The following ABCD2 variants were observed in gnomAD, a reference collection of about 807,000 sequenced individuals.
ABCD2 encodes ATP-binding cassette sub-family D member 2.
ABCD2 carries 36 observed loss-of-function variants against 70.9 expected under a neutral mutation model. The ratio of observed to expected loss-of-function variants is 0.51; its 90% confidence interval spans 0.39 to 0.67. ABCD2 has a LOEUF of 0.67. ABCD2 is among the 30% of genes least tolerant of loss of function. The pLI is 0.00. For missense variants in ABCD2, 729 were observed against 890.2 expected (o/e 0.82, Z 2.30); for synonymous variants, 304 against 306.9 (o/e 0.99, Z 0.10).
chr12:39,555,979 T>C (rs530663080), intron 9 of ABCD2, among the ~76,000 whole-genome samples: 4 of 152,298 alleles, frequency 2.6e-5, no homozygotes, highest in African/African-American at 9.6e-5. Context: ...CTCTTGGTGT[T>C]GCAATAGCTG....
chr12:39,532,585 C>G, the ABCD2 span, among the ~76,000 whole-genome samples: 60 of 152,250 alleles, frequency 3.9e-4, no homozygotes, highest in African/African-American at 1.4e-3. Flanking sequence ...TCTTGAGAAG[C>G]TATTCTGCAG....
chr12:39,617,081 T>A lies in ABCD2; in HGVS notation c.1027A>T (p.Ile343Leu). Residue 343 changes from isoleucine (I) to leucine (L), a missense_variant, in exon 2 of 10, where the codon ATA (isoleucine) becomes TTA (leucine). By Grantham distance (5) the Ile-to-Leu change is conservative (BLOSUM62 2). Coordinates refer to ENST00000308666, the MANE Select transcript of ABCD2 (RefSeq NM_005164.4). ...ACATACTTCATCAGGAACTGTTCTA[T>A]CATGATGTACCACAAACGTTTGGAT... ...ILSKRLWYIM[I>L]EQFLMKYVWS... 6.2e-7 allele frequency: 1 copy of A among 1,613,342 alleles called. No individual in the cohort carries two copies. The highest frequency in any genetic ancestry group is 1.1e-5 in the South Asian group (1 of 90,948).
intron 9 of ABCD2, among the ~76,000 whole-genome samples, 157 bp from the exon 10 acceptor site, chr12:39,554,288 AT>A (rs1297307709): frequency 6.6e-6 from 1 of 152,126 alleles, no homozygotes; most frequent in Non-Finnish European, 1.5e-5. Flanking sequence ...AAATACTGTG[AT>A]TTTTTTAAAA....
intron 9 of ABCD2, among the ~76,000 whole-genome samples, chr12:39,559,748 C>G (rs892624753): frequency 7.2e-5 from 11 of 152,058 alleles, no homozygotes; most frequent in African/African-American, 2.4e-4. Context: ...AGGGAAAAAA[C>G]CTTTCAGCCA....
chr12:39,619,024 T>A lies in ABCD2; in HGVS notation c.592A>T (p.Asn198Tyr), dbSNP rs1592003182. The change falls in exon 1 of 10, where the codon AAT becomes TAT. Residue 198 changes from asparagine (N) to tyrosine (Y), a missense_variant. Asn to Tyr is a moderately radical substitution (Grantham distance 143, BLOSUM62 -2). Transcript: ENST00000308666. ...GGGTTTGCCAGCCTCCCATCCATAT[T>A]GATCACTTTATAATAAGTCTGATTT... is the stretch of plus-strand genomic sequence containing the variant. Reference protein sequence around the residue: ...FTNQTYYKVINMDGRLANPDQ... With the variant: ...FTNQTYYKVIYMDGRLANPDQ... 1 of 1,614,234 alleles carries A rather than the reference T, an allele frequency of 6.2e-7. No homozygotes were observed. The highest frequency in any genetic ancestry group is 2.2e-5 in the East Asian group (1 of 44,886).
At chr12:39,573,973 A>G (rs1941483100) in intron 8 of ABCD2, 132 bp from the exon 9 acceptor site, 1 of 803,288 alleles carries the variant, frequency 1.2e-6, no homozygotes, top group Non-Finnish European at 1.8e-6. Flanking sequence ...AAGGCAATAA[A>G]TGATAAAGCA....
In ABCD2 at chr12:39,553,612, A is replaced by T. The variant is rs1422451547; in HGVS notation, c.*300T>A. The T allele has an allele frequency of 3.8e-6, 1 of 259,848 alleles. No individual in the cohort carries two copies. The highest frequency in any genetic ancestry group is 7.3e-6 in the Non-Finnish European group (1 of 137,114). 16.1% of individuals were successfully genotyped at this position (259,848 alleles called of 1,614,324 possible). The stretch of plus-strand genomic sequence containing the variant: ...CCCATGTTTGTTAAGAACTTCAGAC[A>T]CACCACATATACATAGTAAATCTGG... On this transcript the variant is annotated 3_prime_UTR_variant, in exon 10 of 10. Coordinates refer to ENST00000308666, the MANE Select transcript of ABCD2 (RefSeq NM_005164.4).
At chr12:39,538,167 C>CTTTTTTTTTT in the ABCD2 span, among the ~76,000 whole-genome samples, 19 of 142,796 alleles carry the variant, frequency 1.3e-4, no homozygotes, top group African/African-American at 2.7e-4. Flanking sequence ...CATTTTCTTT[C>CTTTTTTTTTT]TTTCTTTTTT....
At chr12:39,538,811 G>A in the ABCD2 span, among the ~76,000 whole-genome samples, 1 of 152,138 alleles carries the variant, frequency 6.6e-6, no homozygotes, top group Admixed American at 6.5e-5. Context: ...TACCCTGGCC[G>A]GAAGACAGCT....
chr12:39,534,854 AAG>A, the ABCD2 span, among the ~76,000 whole-genome samples: 24 of 150,972 alleles, frequency 1.6e-4, no homozygotes, highest in African/African-American at 5.8e-4. Flanking sequence ...GAAATAAAGA[AAG>A]AGAAAGAAAG....
chr12:39,617,315 G>A (rs1240877786), intron 1 of ABCD2, 147 bp from the exon 2 acceptor site: 1 of 476,958 alleles, frequency 2.1e-6, no homozygotes, highest in African/African-American at 2.0e-5. Flanking sequence ...TTGGTCACAT[G>A]TGTATTATTT....
chr12:39,596,322 G>A (rs539439867), intron 6 of ABCD2, among the ~76,000 whole-genome samples: 1 of 151,616 alleles, frequency 6.6e-6, no homozygotes, highest in South Asian at 2.1e-4. Context: ...ACTTATTTCT[G>A]GTTTTTATTT....
chr12:39,580,180 A>G (rs1402049483), intron 7 of ABCD2, among the ~76,000 whole-genome samples: 1 of 152,092 alleles, frequency 6.6e-6, no homozygotes, highest in Non-Finnish European at 1.5e-5. Flanking sequence ...GGTTCGAGCT[A>G]TTTACCCTCC....
intron 6 of ABCD2, among the ~76,000 whole-genome samples, chr12:39,592,411 C>T (rs964925662): frequency 6.6e-6 from 1 of 152,178 alleles, no homozygotes; most frequent in Non-Finnish European, 1.5e-5. Context: ...TGGAGATGTT[C>T]ATTCATTCAG....
At chr12:39,549,286 C>G (rs1321382123), downstream of ABCD2, among the ~76,000 whole-genome samples, 1 of 151,936 alleles carries the variant, frequency 6.6e-6, no homozygotes, top group Non-Finnish European at 1.5e-5. Context: ...TAAATTGCAA[C>G]AGAGTGGTCT....
At chr12:39,531,345 G>C in the ABCD2 span, among the ~76,000 whole-genome samples, 1 of 152,162 alleles carries the variant, frequency 6.6e-6, no homozygotes, top group African/African-American at 2.4e-5. Context: ...GGGTCTTTCG[G>C]AGGTGATTAA....
At chr12:39,558,239 C>G (rs973354938) in intron 9 of ABCD2, among the ~76,000 whole-genome samples, 12 of 152,242 alleles carry the variant, frequency 7.9e-5, no homozygotes, top group African/African-American at 2.9e-4. Context: ...GCCTATAGCC[C>G]CTTCTTTTTG....
At chr12:39,555,698 C>T (rs1213898364) in intron 9 of ABCD2, among the ~76,000 whole-genome samples, 1 of 152,172 alleles carries the variant, frequency 6.6e-6, no homozygotes, top group Non-Finnish European at 1.5e-5. Flanking sequence ...TCCTACAGAC[C>T]CTCACTTCTG....
chr12:39,550,965 A>G lies in ABCD2; in HGVS notation c.*2947T>C, dbSNP rs915310224. 14 of 151,736 alleles carry G rather than the reference A, an allele frequency of 9.2e-5. No homozygotes were observed. Among genetic ancestry groups the G allele is most frequent in the African/African-American group, 3.1e-4 (13 of 41,426 alleles). The allele number at this position is 151,736 out of a possible 1,614,324, so 9.4% of individuals were successfully genotyped here. A position where few individuals can be genotyped will look rare whatever the true frequency, so the allele number is the denominator to read the frequency against. On this transcript the variant is annotated 3_prime_UTR_variant, in exon 10 of 10. Coordinates refer to ENST00000308666, the MANE Select transcript of ABCD2 (RefSeq NM_005164.4). ...ACTTGGAACCAATGTTTCAAATAAAAACTAGGATATTCATTTATGCCTTTA... is the reference window on the plus strand; with the variant it reads ...ACTTGGAACCAATGTTTCAAATAAAGACTAGGATATTCATTTATGCCTTTA...
Sources: gnomAD v4.1 joint callset for allele counts (sites outside exome capture counted in the v4.1 genomes callset) on GRCh38, gnomAD v4.1.1 for gene constraint, MANE v1.5 for transcripts, NCBI Gene and HGNC (gene_info 2026-07-23, HGNC 2026-07-21) for gene names.